Variants in PLEKHG5 observed in about 807,000 individuals in gnomAD.
PLEKHG5 encodes the protein pleckstrin homology and RhoGEF domain containing G5, also known as pleckstrin homology domain-containing family G member 5.
Under a neutral mutation model 103.8 loss-of-function variants are expected in PLEKHG5, and 52 were observed. The observed-to-expected ratio is 0.50, with a 90% CI of 0.40 to 0.63. The LOEUF (loss-of-function observed/expected upper bound fraction) is 0.63. Ranked by LOEUF, PLEKHG5 falls within the 30% of genes least tolerant of loss-of-function variation. PLEKHG5 has a pLI of 0.00. For missense variants in PLEKHG5, 1,205 were observed against 1,347.6 expected, an observed-to-expected ratio of 0.89 and a Z score of 1.66; for synonymous variants, 592 against 575.5, an observed-to-expected ratio of 1.03 and a Z score of -0.41.
Position 6,473,187 on chromosome 1 carries a change from C to T in PLEKHG5, c.796-13G>A, listed in dbSNP as rs377254091. ...TCTTGTCTACCTCCTGGAAAGATAC[C>T]CTGGTCAGGGTCAGGGGTCATGGCC... On this transcript the variant is annotated splice_polypyrimidine_tract_variant and intron_variant, in intron 8 of 20. Coordinates refer to ENST00000377728, the MANE Select transcript of PLEKHG5 (RefSeq NM_020631.6). 3 of 1,613,634 alleles carry T rather than the reference C, an allele frequency of 1.9e-6. No homozygotes were observed. The highest frequency in any genetic ancestry group is 2.2e-5 in the South Asian group (2 of 91,074).
intron 1 of PLEKHG5, among the ~76,000 whole-genome samples, chr1:6,481,793 G>A (rs1005482537): frequency 1.3e-5 from 2 of 151,580 alleles, no homozygotes; most frequent in Admixed American, 1.3e-4. Context: ...GAACTCAGGA[G>A]GCAGAGGTTG....
chr1:6,485,794 AC>A, intron 1 of PLEKHG5: 1 of 565,752 alleles, frequency 1.8e-6, no homozygotes, highest in Non-Finnish European at 2.2e-6. Context: ...AGTCCCCGGG[AC>A]CCCCACCTTC....
upstream of PLEKHG5, among the ~76,000 whole-genome samples, chr1:6,498,084 G>A (rs531570919): frequency 5.7e-4 from 87 of 152,162 alleles, no homozygotes; most frequent in South Asian, 0.018. Context: ...TATGTAAATG[G>A]CATCAGGAGA....
Position 6,473,155 on chromosome 1 carries a change from T to G in PLEKHG5, c.815A>C (p.Gln272Pro). Residue 272 changes from glutamine (Q) to proline (P), a missense_variant, in exon 9 of 21, where the codon CAG becomes CCG. By Grantham distance (76) the Gln-to-Pro change is moderately conservative (BLOSUM62 -1). Coordinates refer to ENST00000377728, the MANE Select transcript of PLEKHG5 (RefSeq NM_020631.6). Reference sequence around the variant, plus strand: ...GTAGGTGTGCAGCTTGCCCTCCAGCTGCTCCATCTTGTCTACCTCCTGGAA... The same window carrying G: ...GTAGGTGTGCAGCTTGCCCTCCAGCGGCTCCATCTTGTCTACCTCCTGGAA... The part of the protein sequence containing the change: ...AFGREVDKME[Q>P]LEGKLHTYSL... 6.2e-7 allele frequency: 1 copy of G among 1,613,882 alleles called. No individual in the cohort carries two copies. Among genetic ancestry groups the G allele is most frequent in the Non-Finnish European group, 8.5e-7 (1 of 1,179,994 alleles).
At chr1:6,519,381 C>T in intron 1 of PLEKHG5, 1 of 1,287,082 alleles carries the variant, frequency 7.8e-7, no homozygotes, top group Non-Finnish European at 1.1e-6. Flanking sequence ...CCTGCAAAGC[C>T]CCTCCTTTCA....
upstream of PLEKHG5, chr1:6,491,734 C>T: frequency 4.1e-6 from 4 of 976,168 alleles, no homozygotes; most frequent in Non-Finnish European, 4.9e-6. The surrounding 1 kb of genome is among the most constrained non-coding windows in gnomAD (Gnocchi z 4.1). Context: ...CATACCCTGA[C>T]TCATCCCTGC....
At chr1:6,480,405 C>A (rs917793380) in intron 1 of PLEKHG5, among the ~76,000 whole-genome samples, 2 of 151,626 alleles carry the variant, frequency 1.3e-5, no homozygotes, top group African/African-American at 4.8e-5. Context: ...CAGCGTACGC[C>A]TGTAGTCCCA....
intron 1 of PLEKHG5, among the ~76,000 whole-genome samples, chr1:6,482,740 G>A (rs1467083280): frequency 6.6e-6 from 1 of 152,000 alleles, no homozygotes; most frequent in South Asian, 2.1e-4. Flanking sequence ...ATAGAGTCTC[G>A]CTCTGTTGCC....
At chr1:6,497,491 G>GGGGACAGGAGCGCGGCC (rs1553178992), upstream of PLEKHG5, 2 of 176,764 alleles carry the variant, frequency 1.1e-5, no homozygotes, top group East Asian at 3.8e-4. This position sits in a 1 kb window ranked among gnomAD's most constrained non-coding sequence, Gnocchi z 6.1. Flanking sequence ...CGGGGGGCGG[G>GGGGACAGGAGCGCGGCC]GGGACAGGAG....
chr1:6,517,852 A>T (rs892961725), intron 1 of PLEKHG5, among the ~76,000 whole-genome samples: 1 of 152,226 alleles, frequency 6.6e-6, no homozygotes, highest in Admixed American at 6.5e-5. Flanking sequence ...CCAGGCTCCA[A>T]CTCGGGTAGG....
At chr1:6,509,390 CT>C (rs1449616329) in intron 1 of PLEKHG5, among the ~76,000 whole-genome samples, 1 of 152,234 alleles carries the variant, frequency 6.6e-6, no homozygotes, top group Non-Finnish European at 1.5e-5. Context: ...GGCGAGTCCT[CT>C]GCAAACTACA....
chr1:6,511,119 C>T (rs1409777847), intron 1 of PLEKHG5, among the ~76,000 whole-genome samples: 1 of 152,150 alleles, frequency 6.6e-6, no homozygotes, highest in East Asian at 1.9e-4. Context: ...ATTCTGAAGG[C>T]CAGATGCGTG....
Position 6,472,786 on chromosome 1 carries a change from C to T in PLEKHG5, c.985-164G>A, listed in dbSNP as rs572747246. 3.9e-5 allele frequency among the ~76,000 whole-genome samples: 6 copies of T among 152,336 alleles called. No homozygotes were observed. In the East Asian group the frequency reaches 1.2e-3, roughly 29 times the overall value. ...ACCACATGAGTAATCACAGTTAAGACACCCAAGATCTGGGCCCTCCTCTGC... is the reference window on the plus strand; with the variant it reads ...ACCACATGAGTAATCACAGTTAAGATACCCAAGATCTGGGCCCTCCTCTGC... On this transcript the variant is annotated intron_variant, in intron 9 of 20. Transcript: ENST00000377728.
chr1:6,478,047 A>ATT, intron 1 of PLEKHG5, among the ~76,000 whole-genome samples: 1 of 147,796 alleles, frequency 6.8e-6, no homozygotes, highest in South Asian at 2.2e-4. Context: ...TGCCCAGCTA[A>ATT]TTTTTTTTTT....
At chr1:6,509,178 G>C (rs532662055) in intron 1 of PLEKHG5, among the ~76,000 whole-genome samples, 1 of 152,222 alleles carries the variant, frequency 6.6e-6, no homozygotes, top group Non-Finnish European at 1.5e-5. Flanking sequence ...GTGCCCTCAC[G>C]CGGGCTGCCC....
At chr1:6,504,501 G>A (rs1470890466) in intron 1 of PLEKHG5, among the ~76,000 whole-genome samples, 3 of 152,058 alleles carry the variant, frequency 2.0e-5, no homozygotes, top group African/African-American at 7.2e-5. Context: ...AGGCAGGGAC[G>A]CCTGGCCTTC....
At chr1:6,482,416 C>T (rs1172273377) in intron 1 of PLEKHG5, among the ~76,000 whole-genome samples, 2 of 152,228 alleles carry the variant, frequency 1.3e-5, no homozygotes, top group South Asian at 2.1e-4. Context: ...GAGAGATTTC[C>T]GAGATAGGCG....
intron 1 of PLEKHG5, among the ~76,000 whole-genome samples, chr1:6,512,491 C>T (rs370951972): frequency 4.4e-4 from 67 of 152,320 alleles, no homozygotes; most frequent in African/African-American, 1.5e-3. Context: ...ACAGTGGGGC[C>T]CTCAGGCCCA....
chr1:6,475,214 T>C lies in PLEKHG5; in HGVS notation c.211-76A>G, dbSNP rs548502409. ...TTCCCGCCCTCCTCCCCACCCTCCT[T>C]CCCACCCTCCTTCCCAACCCTCCTC... On this transcript the variant is annotated intron_variant, in intron 4 of 20. Transcript: ENST00000377728. 0.013 allele frequency: 7,297 copies of C among 564,440 alleles called. 70 individuals carry two copies. The highest frequency in any genetic ancestry group is 0.025 in the Middle Eastern group (49 of 1,956). 35.0% of individuals were successfully genotyped at this position (564,440 alleles called of 1,614,324 possible).
Sources: gnomAD v4.1 joint callset for allele counts (sites outside exome capture counted in the v4.1 genomes callset) on GRCh38, gnomAD v4.1.1 for gene constraint, Gnocchi (gnomAD v3.1) non-coding constraint, MANE v1.5 for transcripts, NCBI Gene and HGNC (gene_info 2026-07-23, HGNC 2026-07-21) for gene names.